Variants in ZBTB20 observed in about 807,000 individuals in gnomAD.
The protein encoded by ZBTB20 is zinc finger and BTB domain containing 20.
Under a neutral mutation model 56.9 loss-of-function variants are expected in ZBTB20, and 9 were observed. The ratio of observed to expected loss-of-function variants is 0.16; its 90% CI spans 0.10 to 0.28. ZBTB20 has a LOEUF of 0.28. Ranked by LOEUF, ZBTB20 falls within the 10% of genes least tolerant of loss-of-function variation. The probability of loss-of-function intolerance (pLI) is 1.00; values close to 1 mark genes in which losing one functional copy is unlikely to be tolerated. For missense variants in ZBTB20, 655 were observed against 1,003.0 expected (o/e 0.65, Z 4.69); for synonymous variants, 417 against 420.7 (o/e 0.99, Z 0.11).
At chr3:114,382,307 C>G (rs903605506) in intron 8 of ZBTB20, among the ~76,000 whole-genome samples, 17 of 152,168 alleles carry the variant, frequency 1.1e-4, no homozygotes, top group African/African-American at 4.1e-4. Context: ...TCCTCTAGTC[C>G]TGTTTCTTTG....
chr3:114,418,863 T>C (rs2088850741), intron 7 of ZBTB20, among the ~76,000 whole-genome samples: 1 of 152,120 alleles, frequency 6.6e-6, no homozygotes, highest in Admixed American at 6.6e-5. Context: ...TTGGTTGCTG[T>C]GGATGTGTAT....
intron 1 of ZBTB20, among the ~76,000 whole-genome samples, chr3:115,129,881 G>A (rs929053071): frequency 6.6e-6 from 1 of 152,124 alleles, no homozygotes; most frequent in Non-Finnish European, 1.5e-5. Flanking sequence ...CACCTTCCAT[G>A]CATTCCACTC....
chr3:114,782,749 A>G (rs899411173), intron 5 of ZBTB20, among the ~76,000 whole-genome samples: 1 of 152,188 alleles, frequency 6.6e-6, no homozygotes, highest in Non-Finnish European at 1.5e-5. Context: ...AGAGAAGGTA[A>G]TATTTGAGCA....
chr3:114,404,937 A>C (rs1366850758), intron 7 of ZBTB20, among the ~76,000 whole-genome samples: 1 of 152,110 alleles, frequency 6.6e-6, no homozygotes, highest in Non-Finnish European at 1.5e-5. Flanking sequence ...GCTTAGTTTG[A>C]CCCAACTTAG....
intron 11 of ZBTB20, among the ~76,000 whole-genome samples, chr3:114,341,898 A>ACCTACTTAGT (rs1256179851): frequency 6.6e-6 from 1 of 152,218 alleles, no homozygotes; most frequent in Non-Finnish European, 1.5e-5. Context: ...CCCAAGGGCA[A>ACCTACTTAGT]CCTACTTAGT....
intron 2 of ZBTB20, among the ~76,000 whole-genome samples, chr3:115,030,036 G>T (rs1399873720): frequency 6.6e-6 from 1 of 150,952 alleles, no homozygotes; most frequent in African/African-American, 2.4e-5. Context: ...AATGTCCTAT[G>T]AAAAATAATT....
intron 4 of ZBTB20, among the ~76,000 whole-genome samples, chr3:114,888,299 T>C (rs969464172): frequency 6.6e-6 from 1 of 151,924 alleles, no homozygotes; most frequent in Non-Finnish European, 1.5e-5. Context: ...GGTGCACACC[T>C]GTAGTCCCAG....
intron 4 of ZBTB20, among the ~76,000 whole-genome samples, chr3:114,816,455 C>A (rs2072925545): frequency 1.3e-5 from 2 of 151,998 alleles, no homozygotes; most frequent in African/African-American, 4.8e-5. Context: ...ATAACCATTC[C>A]ACAGGGACAG....
At chr3:114,985,005 C>T (rs952033361) in intron 2 of ZBTB20, among the ~76,000 whole-genome samples, 2 of 152,050 alleles carry the variant, frequency 1.3e-5, no homozygotes, top group Non-Finnish European at 2.9e-5. Context: ...GTCCTCAACT[C>T]AAATGGCACG....
At chr3:114,575,564 G>A (rs1297045690) in intron 6 of ZBTB20, among the ~76,000 whole-genome samples, 1 of 149,282 alleles carries the variant, frequency 6.7e-6, no homozygotes, top group African/African-American at 2.5e-5. Flanking sequence ...ACTATAGTTA[G>A]GGATTTGAAG....
intron 5 of ZBTB20, among the ~76,000 whole-genome samples, chr3:114,777,797 T>A (rs1458116325): frequency 4.6e-5 from 7 of 151,976 alleles, no homozygotes; most frequent in South Asian, 4.2e-4. Context: ...CATGCACATG[T>A]ATGTTTATTG....
At chr3:114,768,114 G>T (rs1314103654) in intron 5 of ZBTB20, among the ~76,000 whole-genome samples, 5 of 151,938 alleles carry the variant, frequency 3.3e-5, no homozygotes, top group Non-Finnish European at 7.4e-5. Context: ...CATAATAAAT[G>T]GTTGGGGATA....
intron 6 of ZBTB20, among the ~76,000 whole-genome samples, chr3:114,597,056 A>G (rs62266262): frequency 1.6e-4 from 24 of 152,230 alleles, no homozygotes; most frequent in Non-Finnish European, 3.1e-4. Flanking sequence ...ATATATATAT[A>G]TAAAGGCCCA....
chr3:115,040,385 A>G (rs2081093395), intron 2 of ZBTB20, among the ~76,000 whole-genome samples: 1 of 152,150 alleles, frequency 6.6e-6, no homozygotes, highest in Non-Finnish European at 1.5e-5. Context: ...GCACACTGGA[A>G]TGGCATTTAA....
chr3:114,551,235 T>C (rs938363160), intron 6 of ZBTB20, among the ~76,000 whole-genome samples: 1 of 152,226 alleles, frequency 6.6e-6, no homozygotes, highest in Non-Finnish European at 1.5e-5. Context: ...TGGAAAATTC[T>C]GGAAAAAAAT....
In ZBTB20 at chr3:114,329,298, G is replaced by C. The variant is rs2079160100; in HGVS notation, c.*9707C>G. 1 of 152,138 alleles carries C rather than the reference G, an allele frequency of 6.6e-6. No homozygotes were observed. The highest frequency in any genetic ancestry group is 6.5e-5 in the Admixed American group (1 of 15,270). 9.4% of individuals were successfully genotyped at this position (152,138 alleles called of 1,614,324 possible). On this transcript the variant is annotated 3_prime_UTR_variant, in exon 12 of 12. Transcript: ENST00000675478. ...AGTGTGAGGGGGTCTTTTATACTGA[G>C]GTTTTAAAAACCTGACTTCATTTTG...
intron 7 of ZBTB20, among the ~76,000 whole-genome samples, chr3:114,462,020 T>C (rs1356502120): frequency 6.6e-6 from 1 of 152,184 alleles, no homozygotes; most frequent in Non-Finnish European, 1.5e-5. Flanking sequence ...ATCTGTAAGA[T>C]GGAAATAATA....
At chr3:114,717,250 C>T (rs1418279532) in intron 5 of ZBTB20, among the ~76,000 whole-genome samples, 1 of 152,112 alleles carries the variant, frequency 6.6e-6, no homozygotes, top group Non-Finnish European at 1.5e-5. Context: ...CTAATTTCTA[C>T]TAGAGAGAGG....
At chr3:114,679,191 C>T (rs2061816509) in intron 6 of ZBTB20, among the ~76,000 whole-genome samples, 1 of 152,064 alleles carries the variant, frequency 6.6e-6, no homozygotes, top group African/African-American at 2.4e-5. Context: ...TAGAAGAAAA[C>T]CTAGGCAATA....
Sources: gnomAD v4.1 joint callset for allele counts (sites outside exome capture counted in the v4.1 genomes callset) on GRCh38, gnomAD v4.1.1 for gene constraint, MANE v1.5 for transcripts, NCBI Gene and HGNC (gene_info 2026-07-23, HGNC 2026-07-21) for gene names.